FRMD4A: variants seen among roughly 807,000 people sequenced by gnomAD.
FRMD4A encodes the protein FERM domain containing 4A.
A neutral mutation model predicts 129.1 loss-of-function variants in FRMD4A; 29 were observed. The ratio of observed to expected loss-of-function variants is 0.22; its 90% CI spans 0.17 to 0.31. The LOEUF is 0.31. Among genes scored for constraint, FRMD4A ranks in the 10% least tolerant of loss-of-function variants. FRMD4A has a pLI of 1.00. For missense variants in FRMD4A, 1,272 were observed against 1,375.8 expected, an observed-to-expected ratio of 0.92 and a Z score of 1.19; for synonymous variants, 634 against 571.6, an observed-to-expected ratio of 1.11 and a Z score of -1.56.
chr10:14,195,548 T>C lies in FRMD4A; in HGVS notation c.45+134510A>G, dbSNP rs12255232. 9.5e-3 allele frequency among the ~76,000 whole-genome samples: 1,446 copies of C among 152,240 alleles called. 25 individuals carry two copies. The highest frequency in any genetic ancestry group is 0.034 in the African/African-American group (1,395 of 41,542). On this transcript the variant is annotated intron_variant, in intron 2 of 24. Coordinates refer to ENST00000357447, the MANE Select transcript of FRMD4A (RefSeq NM_018027.5). Reference sequence around the variant, plus strand: ...TAAGGTTCCCATACTTATTCCATTCTCTCCTCGGATAACAAATAAACTTGC... The same window carrying C: ...TAAGGTTCCCATACTTATTCCATTCCCTCCTCGGATAACAAATAAACTTGC...
intron 3 of FRMD4A, among the ~76,000 whole-genome samples, chr10:13,857,005 C>T (rs1029678846): frequency 1.3e-5 from 2 of 152,146 alleles, no homozygotes; most frequent in Non-Finnish European, 2.9e-5. Context: ...AACGATTCTG[C>T]TAATTAACGA....
At chr10:13,890,265 G>A (rs2094679591) in intron 2 of FRMD4A, among the ~76,000 whole-genome samples, 1 of 152,298 alleles carries the variant, frequency 6.6e-6, no homozygotes, top group South Asian at 2.1e-4. Context: ...CCTGACTGCT[G>A]CCCCCAATGC....
intron 2 of FRMD4A, among the ~76,000 whole-genome samples, chr10:13,931,994 C>A (rs1278846855): frequency 6.6e-6 from 1 of 151,934 alleles, no homozygotes; most frequent in Non-Finnish European, 1.5e-5. Context: ...AACCAACCAA[C>A]CCCCTTCTAC....
chr10:14,162,630 G>GTT (rs556368229), intron 2 of FRMD4A, among the ~76,000 whole-genome samples: 40 of 117,320 alleles, frequency 3.4e-4, no homozygotes, highest in African/African-American at 1.1e-3. Flanking sequence ...GAGTTTCTCT[G>GTT]TTTTTTTTTT....
chr10:13,700,820 C>CTTTTTTTTTTTTT (rs71503097), intron 14 of FRMD4A, among the ~76,000 whole-genome samples: 1 of 44,708 alleles, frequency 2.2e-5, no homozygotes, highest in African/African-American at 8.6e-5. Context: ...AGGGTAGTTG[C>CTTTTTTTTTTTTT]TTTTTTTTTT....
rs760974383 is a variant in FRMD4A at position 13,657,534 on chromosome 10, C to T, written c.2067-12G>A. ...TGATGTCCACCGACCTGCCGGGAGA[C>T]GACCCGGGTTGGTCTGGGGGTGGGG... On this transcript the variant is annotated splice_polypyrimidine_tract_variant and intron_variant, in intron 21 of 24. Transcript: ENST00000357447. The T allele has an allele frequency of 6.5e-6, 10 of 1,534,698 alleles. No individual in the cohort carries two copies. The highest frequency in any genetic ancestry group is 2.4e-5 in the South Asian group (2 of 82,470).
At chr10:13,746,842 A>C (rs1274164783) in intron 9 of FRMD4A, among the ~76,000 whole-genome samples, 1 of 152,190 alleles carries the variant, frequency 6.6e-6, no homozygotes, top group African/African-American at 2.4e-5. Context: ...CAGGAATGCA[A>C]GCCCTGCCCA....
chr10:14,244,461 G>A (rs185959947), intron 2 of FRMD4A, among the ~76,000 whole-genome samples: 1 of 152,312 alleles, frequency 6.6e-6, no homozygotes, highest in African/African-American at 2.4e-5. Context: ...TGCCTGAGAT[G>A]GGGGCTCTTG....
At chr10:13,824,321 C>CAAAAAAAAAAAAAAAAAA (rs397721588) in intron 3 of FRMD4A, among the ~76,000 whole-genome samples, 2 of 99,046 alleles carry the variant, frequency 2.0e-5, no homozygotes, top group Non-Finnish European at 3.8e-5. Flanking sequence ...ACTAAAAATA[C>CAAAAAAAAAAAAAAAAAA]AAAAAAAAAA....
intron 2 of FRMD4A, among the ~76,000 whole-genome samples, chr10:14,293,430 T>C (rs1333358670): frequency 2.0e-5 from 3 of 152,200 alleles, no homozygotes; most frequent in African/African-American, 4.8e-5. Flanking sequence ...TATTTTGTTA[T>C]AGCAACACAA....
chr10:14,249,963 CTTTATTTATTTA>C (rs753346292), intron 2 of FRMD4A, among the ~76,000 whole-genome samples: 1 of 151,986 alleles, frequency 6.6e-6, no homozygotes, highest in South Asian at 2.1e-4. Context: ...CTTGTTTTTA[CTTTATTTATTTA>C]TTTATTTATT....
At chr10:13,839,355 T>C (rs945156099) in intron 3 of FRMD4A, among the ~76,000 whole-genome samples, 2 of 152,140 alleles carry the variant, frequency 1.3e-5, no homozygotes, top group Non-Finnish European at 2.9e-5. Flanking sequence ...TTTATTTAAT[T>C]ATCCACCTGA....
chr10:13,940,272 A>G (rs2095281149), intron 2 of FRMD4A, among the ~76,000 whole-genome samples: 2 of 152,022 alleles, frequency 1.3e-5, no homozygotes, highest in African/African-American at 4.8e-5. Context: ...GGCTTTTCCC[A>G]TGGGCAGTCA....
chr10:14,083,168 C>G (rs1203799867), intron 2 of FRMD4A: 1 of 152,176 alleles, frequency 6.6e-6, no homozygotes, highest in Non-Finnish European at 1.5e-5. Flanking sequence ...AATTTTGGTG[C>G]AAGTGGATCA....
chr10:13,684,553 GA>G, intron 15 of FRMD4A: 1 of 985,568 alleles, frequency 1.0e-6, no homozygotes, highest in Non-Finnish European at 1.2e-6. Context: ...CAGACACATG[GA>G]AGGACAGCCT....
intron 2 of FRMD4A, among the ~76,000 whole-genome samples, chr10:14,158,675 G>A (rs1840723454): frequency 6.6e-6 from 1 of 151,530 alleles, no homozygotes; most frequent in South Asian, 2.1e-4. Flanking sequence ...CAAGAAAGAG[G>A]AGGAGGAGGA....
intron 12 of FRMD4A, among the ~76,000 whole-genome samples, chr10:13,708,206 G>A (rs2087667779): frequency 6.6e-6 from 1 of 152,174 alleles, no homozygotes; most frequent in African/African-American, 2.4e-5. Flanking sequence ...GCTTTTCAGG[G>A]TCTTACCCCA....
At chr10:14,000,975 T>C (rs2095640836) in intron 2 of FRMD4A, among the ~76,000 whole-genome samples, 1 of 151,940 alleles carries the variant, frequency 6.6e-6, no homozygotes, top group Non-Finnish European at 1.5e-5. Flanking sequence ...GCCTAAATAG[T>C]TTTTTTCCCC....
chr10:13,870,526 C>T lies in FRMD4A; in HGVS notation c.46-11614G>A, dbSNP rs118184883. On this transcript the variant is annotated intron_variant, in intron 2 of 24. Coordinates refer to ENST00000357447, the MANE Select transcript of FRMD4A (RefSeq NM_018027.5). ...TCGCTGTGGTCTCCTCTACGCCATG[C>T]ATTCAGCCCGGTGCTGGGGACACAG... Among the ~76,000 whole-genome samples, 349 of 152,346 alleles carry T rather than the reference C, an allele frequency of 2.3e-3. 1 individual carries two copies. Among genetic ancestry groups the T allele is most frequent in the Non-Finnish European group, 3.1e-3 (209 of 68,030 alleles).
Sources: allele counts gnomAD v4.1 joint callset (sites outside exome capture counted in the v4.1 genomes callset), GRCh38; gene constraint gnomAD v4.1.1; transcripts MANE v1.5; gene names NCBI Gene and HGNC (gene_info 2026-07-23, HGNC 2026-07-21).